The following FKBP1B variants were observed in gnomAD, a reference collection of about 807,000 sequenced individuals.
The protein encoded by FKBP1B is FKBP prolyl isomerase 1B, also known as peptidyl-prolyl cis-trans isomerase FKBP1B.
In FKBP1B, 4 loss-of-function variants were observed where a neutral mutation model predicts 13.5. That is an observed-to-expected ratio of 0.30 (90% CI 0.15 to 0.68). FKBP1B has a LOEUF of 0.68. Among genes scored for constraint, FKBP1B ranks in the 30% least tolerant of loss-of-function variants. FKBP1B has a pLI of 0.76. For synonymous variants in FKBP1B, 54 were observed against 53.6 expected (o/e 1.01, Z -0.03); for missense variants, 93 against 136.2 (o/e 0.68, Z 1.58).
intron 1 of FKBP1B, among the ~76,000 whole-genome samples, chr2:24,051,417 C>A (rs560937927): frequency 3.9e-5 from 6 of 152,184 alleles, no homozygotes; most frequent in East Asian, 1.9e-4. Flanking sequence ...CCCTCTCCCC[C>A]AGGAGGGGCC....
chr2:24,035,407 G>A, the FKBP1B span, among the ~76,000 whole-genome samples: 2 of 151,946 alleles, frequency 1.3e-5, no homozygotes, highest in African/African-American at 2.4e-5. Context: ...GTTACCTAAA[G>A]GAGGAAAGGA....
At chr2:24,052,794 C>T (rs986955222) in intron 1 of FKBP1B, among the ~76,000 whole-genome samples, 8 of 151,996 alleles carry the variant, frequency 5.3e-5, no homozygotes, top group African/African-American at 1.7e-4. Context: ...TGTTAAGACC[C>T]TGTCTCTACA....
At chr2:24,039,276 T>A in the FKBP1B span, 1 of 1,614,100 alleles carries the variant, frequency 6.2e-7, no homozygotes, top group Non-Finnish European at 8.5e-7. Flanking sequence ...GTAGAACAGG[T>A]GTATCATCTG....
the FKBP1B span, among the ~76,000 whole-genome samples, chr2:24,034,304 C>A: frequency 1.3e-5 from 2 of 152,102 alleles, no homozygotes; most frequent in Non-Finnish European, 2.9e-5. Flanking sequence ...ACCTGTAATC[C>A]CAACTACCTG....
chr2:24,037,651 T>A, the FKBP1B span: 3 of 1,583,042 alleles, frequency 1.9e-6, no homozygotes, highest in African/African-American at 4.1e-5. Context: ...TTATGTATAG[T>A]GGTAGTTCCT....
At chr2:24,037,243 G>A in the FKBP1B span, among the ~76,000 whole-genome samples, 3 of 152,104 alleles carry the variant, frequency 2.0e-5, no homozygotes, top group Admixed American at 6.6e-5. Context: ...GGCTGGTCTC[G>A]AACTCCTGAC....
the FKBP1B span, chr2:24,038,361 C>T: frequency 3.7e-6 from 6 of 1,613,982 alleles, no homozygotes; most frequent in South Asian, 6.6e-5. Flanking sequence ...ATCGAATTTG[C>T]TGGATGTTTG....
chr2:24,058,817 A>G (rs149559202), intron 2 of FKBP1B, among the ~76,000 whole-genome samples: 3 of 152,270 alleles, frequency 2.0e-5, no homozygotes, highest in Admixed American at 1.3e-4. Flanking sequence ...TAGCAAATGC[A>G]TGCGATTGTA....
At chr2:24,036,285 C>CA in the FKBP1B span, among the ~76,000 whole-genome samples, 7 of 151,530 alleles carry the variant, frequency 4.6e-5, no homozygotes, top group Non-Finnish European at 8.8e-5. Context: ...GCAAGACTAT[C>CA]ACTTGAGCCC....
upstream of FKBP1B, among the ~76,000 whole-genome samples, chr2:24,046,812 TG>T (rs1204949680): frequency 6.6e-6 from 1 of 152,238 alleles, no homozygotes; most frequent in East Asian, 1.9e-4. Context: ...ATGCATAGTT[TG>T]GCTGTCAAAC....
rs1170954733 is a variant in FKBP1B, at chr2:24,063,448, CT to C, written c.*259del. The C allele has an allele frequency of 1.1e-5, 5 of 450,684 alleles. No individual in the cohort carries two copies. The highest frequency in any genetic ancestry group is 1.6e-5 in the Non-Finnish European group (4 of 254,460). 27.9% of individuals were successfully genotyped at this position (450,684 alleles called of 1,614,324 possible). ...CATTTTGTGTGATGCATGTAGTAGC[CT>C]TTCCTGATGACAGAACACAGATCTC... On this transcript the variant is annotated 3_prime_UTR_variant, in exon 4 of 4. Coordinates refer to ENST00000380986, the MANE Select transcript of FKBP1B (RefSeq NM_004116.5).
At chr2:24,059,090 C>T (rs554858562) in intron 2 of FKBP1B, among the ~76,000 whole-genome samples, 1 of 152,274 alleles carries the variant, frequency 6.6e-6, no homozygotes, top group Admixed American at 6.5e-5. Context: ...CCCAGTCTCA[C>T]ACAATGAGTT....
upstream of FKBP1B, among the ~76,000 whole-genome samples, chr2:24,047,019 C>G (rs1663647328): frequency 6.6e-6 from 1 of 152,150 alleles, no homozygotes. Context: ...AAATAAAGCT[C>G]GGACCGAGGT....
chr2:24,051,101 T>C (rs1663846578), intron 1 of FKBP1B, among the ~76,000 whole-genome samples: 1 of 152,160 alleles, frequency 6.6e-6, no homozygotes, highest in Admixed American at 6.5e-5. Flanking sequence ...TTTGGGAGGC[T>C]GAGGCGGGCG....
the FKBP1B span, among the ~76,000 whole-genome samples, chr2:24,034,706 T>A: frequency 4.0e-5 from 6 of 151,646 alleles, no homozygotes; most frequent in Non-Finnish European, 8.8e-5. Context: ...CCCAAGTAGC[T>A]GGGAAAACAG....
chr2:24,053,652 G>C (rs956405534), intron 1 of FKBP1B, among the ~76,000 whole-genome samples: 2 of 151,956 alleles, frequency 1.3e-5, no homozygotes, highest in Non-Finnish European at 2.9e-5. Flanking sequence ...AAAGAAAGTG[G>C]GGGTGGGGTG....
At chr2:24,037,937 G>GTTAC in the FKBP1B span, 14 of 1,614,170 alleles carry the variant, frequency 8.7e-6, no homozygotes, top group Non-Finnish European at 1.2e-5. Context: ...GATGCTGGCT[G>GTTAC]GGTAACAGGC....
chr2:24,049,826 A>C lies in FKBP1B; in HGVS notation c.-24A>C. 1 of 1,372,478 alleles carries C rather than the reference A, an allele frequency of 7.3e-7. No homozygotes were observed. Among genetic ancestry groups the C allele is most frequent in the Non-Finnish European group, 9.4e-7 (1 of 1,060,726 alleles). 85.0% of individuals were successfully genotyped at this position (1,372,478 alleles called of 1,614,324 possible). A position where few individuals can be genotyped will look rare whatever the true frequency, so the allele number is the denominator to read the frequency against. On this transcript the variant is annotated 5_prime_UTR_variant, in exon 1 of 4. Transcript: ENST00000380986. The stretch of plus-strand genomic sequence containing the variant: ...GGTCGGGCAGCAGCAGGGACCCCCC[A>C]GAGGCGGGGCCTGTGGGACCGCTAT...
At position 24,050,846 on chromosome 2, in the gene FKBP1B, C is replaced by T. The variant is rs1309594701; in HGVS notation, c.37+960C>T. Among the ~76,000 whole-genome samples, 3 of 152,232 alleles carry T rather than the reference C, an allele frequency of 2.0e-5. No homozygotes were observed. The highest frequency in any genetic ancestry group is 4.1e-4 in the South Asian group (2 of 4,830). On this transcript the variant is annotated intron_variant, in intron 1 of 3. Transcript: ENST00000380986. The surrounding 1 kb of genome is among the most constrained non-coding windows in gnomAD (Gnocchi z 5.8). Reference sequence around the variant, plus strand: ...GCCATCTTCCTTGTCCAATCCCAGCCACTACTTCAGATATCCCCTGGAGTA... The same window carrying T: ...GCCATCTTCCTTGTCCAATCCCAGCTACTACTTCAGATATCCCCTGGAGTA...
Sources: allele counts gnomAD v4.1 joint callset (sites outside exome capture counted in the v4.1 genomes callset), GRCh38; gene constraint gnomAD v4.1.1; non-coding constraint Gnocchi (gnomAD v3.1); transcripts MANE v1.5; gene names NCBI Gene and HGNC (gene_info 2026-07-23, HGNC 2026-07-21).